The following KSR2 variants were observed in gnomAD, a reference collection of about 807,000 sequenced individuals.
The protein encoded by KSR2 is kinase suppressor of ras 2.
A neutral mutation model predicts 107.8 loss-of-function variants in KSR2; 25 were observed. The ratio of observed to expected loss-of-function variants is 0.23; its 90% CI spans 0.17 to 0.32. The LOEUF (loss-of-function observed/expected upper bound fraction) is 0.32, where lower values mean the gene tolerates loss of function less well. Among genes scored for constraint, KSR2 ranks in the 10% least tolerant of loss-of-function variants. The pLI is 1.00. For synonymous variants in KSR2, 480 were observed against 507.0 expected (o/e 0.95, Z 0.71); for missense variants, 887 against 1,268.9 (o/e 0.70, Z 4.57).
At chr12:117,885,147 T>A (rs1314223661) in intron 1 of KSR2, among the ~76,000 whole-genome samples, 1 of 152,136 alleles carries the variant, frequency 6.6e-6, no homozygotes, top group Non-Finnish European at 1.5e-5. Context: ...TCTGAGAGGC[T>A]CTGAGAGGCT....
chr12:117,762,983 G>T (rs1889099112), intron 3 of KSR2, among the ~76,000 whole-genome samples: 1 of 152,114 alleles, frequency 6.6e-6, no homozygotes, highest in East Asian at 1.9e-4. Context: ...TTGGTGTGCT[G>T]CACTCATTAA....
chr12:117,947,205 A>AG (rs1555260437), intron 1 of KSR2, among the ~76,000 whole-genome samples: 1 of 69,242 alleles, frequency 1.4e-5, no homozygotes, highest in African/African-American at 6.9e-5. Context: ...GAAAAGAAAG[A>AG]AAAGAAAGAA....
intron 3 of KSR2, among the ~76,000 whole-genome samples, chr12:117,839,895 C>T (rs1892392215): frequency 6.6e-6 from 1 of 152,126 alleles, no homozygotes; most frequent in African/African-American, 2.4e-5. Flanking sequence ...TGAAAGTAAG[C>T]AAACAGGGTT....
intron 1 of KSR2, among the ~76,000 whole-genome samples, chr12:117,944,821 G>T (rs556923757): frequency 6.6e-6 from 1 of 151,868 alleles, no homozygotes; most frequent in Non-Finnish European, 1.5e-5. Context: ...TCTCGCCATC[G>T]CACTCCAGCC....
At chr12:117,636,114 C>T (rs982866532) in intron 5 of KSR2, among the ~76,000 whole-genome samples, 5 of 152,040 alleles carry the variant, frequency 3.3e-5, no homozygotes, top group African/African-American at 1.2e-4. Context: ...CTTTTAAATG[C>T]TAGACTTTAT....
chr12:117,582,239 C>T (rs531039434), intron 6 of KSR2, 51 bp downstream of exon 6: 16 of 1,517,662 alleles, frequency 1.1e-5, no homozygotes, highest in South Asian at 1.0e-4. Flanking sequence ...GAGCCCCCAC[C>T]CCTCACAGAG....
Position 117,510,477 on chromosome 12 carries a change from G to A in KSR2, c.2219+14375C>T, listed in dbSNP as rs557495118. On this transcript the variant is annotated intron_variant, in intron 14 of 19. Transcript: ENST00000339824. ...TGACAAGGCTAGAACATTCATCCAGGACATCTAACTCCATACCCAATATTC... is the reference window on the plus strand; with the variant it reads ...TGACAAGGCTAGAACATTCATCCAGAACATCTAACTCCATACCCAATATTC... Among the ~76,000 whole-genome samples the A allele has an allele frequency of 2.7e-4, 41 of 152,296 alleles. 1 individual carries two copies. In the South Asian group the frequency reaches 8.5e-3, roughly 32 times the overall value.
At chr12:117,643,630 G>A (rs1347869522) in intron 5 of KSR2, among the ~76,000 whole-genome samples, 1 of 152,158 alleles carries the variant, frequency 6.6e-6, no homozygotes, top group Non-Finnish European at 1.5e-5. Context: ...TTTCTCAGGT[G>A]GTTGGCAGTT....
rs374848258 is a variant in KSR2, at chr12:117,855,530, C to T, written c.370G>A (p.Asp124Asn). The change falls in exon 3 of 20, where the codon GAT becomes AAT. Residue 124 changes from aspartate (D) to asparagine (N), a missense_variant. Asp to Asn is a conservative substitution (Grantham distance 23, BLOSUM62 1). Coordinates refer to ENST00000339824, the MANE Select transcript of KSR2 (RefSeq NM_173598.6). ...LSLEDLLEMT[D>N]EQVCETVEKY... ...TCCACAGTCTCGCACACCTGTTCAT[C>T]CGTCATCTCCAAGAGGTCCTCCAGG... 6.2e-7 allele frequency: 1 copy of T among 1,613,914 alleles called. No individual in the cohort carries two copies. Among genetic ancestry groups the T allele is most frequent in the Admixed American group, 1.7e-5 (1 of 59,998 alleles).
chr12:117,691,252 C>T (rs1326055236), intron 4 of KSR2, among the ~76,000 whole-genome samples: 1 of 152,156 alleles, frequency 6.6e-6, no homozygotes, highest in East Asian at 1.9e-4. Flanking sequence ...TAACGGGCAT[C>T]CCAACTGGTA....
chr12:117,888,493 T>C (rs1451354340), intron 1 of KSR2, among the ~76,000 whole-genome samples: 1 of 152,166 alleles, frequency 6.6e-6, no homozygotes, highest in Admixed American at 6.6e-5. Flanking sequence ...CCCAGTTTGA[T>C]GGTATTTGGA....
chr12:117,679,436 G>A (rs2136529062), intron 4 of KSR2, among the ~76,000 whole-genome samples: 1 of 152,336 alleles, frequency 6.6e-6, no homozygotes, highest in South Asian at 2.1e-4. Context: ...CACACTCTAA[G>A]TGTGATGCAC....
rs752801181 is a variant in KSR2 at position 117,525,090 on chromosome 12, T to A, written c.1981A>T (p.Ile661Phe). ...CCGATCTCCAGCTGCTCAAAGGGGA[T>A]GTCCCACTCCTGAAGGAAGATGCTG... ...QTSIFLQEWDIPFEQLEIGEL... is the reference protein window; with the variant it reads ...QTSIFLQEWDFPFEQLEIGEL... Residue 661 changes from isoleucine to phenylalanine, a missense_variant, in exon 14 of 20, where the codon ATC becomes TTC. By Grantham distance (21) the Ile-to-Phe change is conservative. Around this residue, in one of 8 missense-constraint regions of KSR2, gnomAD observed 308 missense variants for 506.2 expected, o/e 0.61. Transcript: ENST00000339824. The A allele has an allele frequency of 6.2e-7, 1 of 1,613,886 alleles. No homozygotes were observed. The highest frequency in any genetic ancestry group is 1.3e-5 in the African/African-American group (1 of 74,936).
chr12:117,874,684 T>G (rs964273820), intron 1 of KSR2, among the ~76,000 whole-genome samples: 1 of 152,164 alleles, frequency 6.6e-6, no homozygotes, highest in African/African-American at 2.4e-5. Context: ...GATTCTCTGC[T>G]GAAACAGACC....
intron 5 of KSR2, among the ~76,000 whole-genome samples, chr12:117,607,092 C>T (rs1881318161): frequency 1.3e-5 from 2 of 152,130 alleles, no homozygotes; most frequent in South Asian, 4.1e-4. Flanking sequence ...TCCACTGGCT[C>T]ATTGAGCTCA....
chr12:117,768,224 T>G (rs1163621368), intron 3 of KSR2, among the ~76,000 whole-genome samples: 3 of 152,180 alleles, frequency 2.0e-5, no homozygotes, highest in African/African-American at 7.2e-5. Context: ...CATGGACAAA[T>G]GCAGACAAGT....
At chr12:117,788,130 CAG>C (rs1207115460) in intron 3 of KSR2, among the ~76,000 whole-genome samples, 1 of 152,146 alleles carries the variant, frequency 6.6e-6, no homozygotes. Context: ...TTCCAGGACT[CAG>C]AGGTAAAACC....
chr12:117,469,902 A>T, intron 18 of KSR2, 107 bp from the exon 19 acceptor site: 1 of 1,056,764 alleles, frequency 9.5e-7, no homozygotes, highest in South Asian at 1.5e-5. Context: ...CCCCATTTCC[A>T]TATTCCTCCA....
chr12:117,585,301 A>G (rs1879921333), intron 5 of KSR2, among the ~76,000 whole-genome samples: 1 of 152,160 alleles, frequency 6.6e-6, no homozygotes, highest in Non-Finnish European at 1.5e-5. Context: ...CTGAGGCTCA[A>G]CTCAGCAGAG....
Sources: gnomAD v4.1 joint callset for allele counts (sites outside exome capture counted in the v4.1 genomes callset) on GRCh38, gnomAD v4.1.1 for gene constraint, gnomAD v4.1.1 regional missense constraint, MANE v1.5 for transcripts, NCBI Gene and HGNC (gene_info 2026-07-23, HGNC 2026-07-21) for gene names.